TRMU: variants seen among roughly 807,000 people sequenced by gnomAD.
TRMU encodes the protein tRNA mitochondrial 2-thiouridylase.
Under a neutral mutation model 46.9 loss-of-function variants are expected in TRMU, and 49 were observed. The observed-to-expected ratio is 1.05, with a 90% CI of 0.83 to 1.33. The LOEUF is 1.33. Ranked by LOEUF, TRMU falls within the 40% of genes most tolerant of loss-of-function variation. The pLI is 0.00. For missense variants in TRMU, 572 were observed against 532.4 expected (o/e 1.07, Z -0.73); for synonymous variants, 241 against 200.9 (o/e 1.20, Z -1.69).
intron 3 of TRMU, 81 bp from the exon 4 acceptor site, chr22:46,346,341 C>G: frequency 1.9e-6 from 3 of 1,548,300 alleles, no homozygotes; most frequent in Non-Finnish European, 2.6e-6. Context: ...CTATACTCTT[C>G]TTTTGTGCCT....
intron 10 of TRMU, 132 bp downstream of exon 10, chr22:46,356,204 G>GGGCT: frequency 1.0e-6 from 1 of 958,540 alleles, no homozygotes; most frequent in Non-Finnish European, 1.6e-6. Flanking sequence ...GGTGAGGGCA[G>GGGCT]AGTGCCACCA....
At position 46,356,269 on chromosome 22, in the gene TRMU, G is replaced by A. The variant is rs536182083; in HGVS notation, c.1101+197G>A. On this transcript the variant is annotated intron_variant, in intron 10 of 10. Transcript: ENST00000645190. ...ACAACTGTGAGAGGATTTCCACTCT[G>A]GTGTCACCAACCAGCCAGTTCCTGC... 1.0e-4 allele frequency: 61 copies of A among 612,684 alleles called. No individual in the cohort carries two copies. In the South Asian group the frequency reaches 1.1e-3, roughly 11 times the overall value. 38.0% of individuals were successfully genotyped at this position (612,684 alleles called of 1,614,324 possible).
At chr22:46,340,004 T>C (rs1054435092) in intron 2 of TRMU, among the ~76,000 whole-genome samples, 2 of 151,820 alleles carry the variant, frequency 1.3e-5, no homozygotes, top group African/African-American at 4.8e-5. Flanking sequence ...GCAGAGAGTC[T>C]CAGGAAGTGC....
rs1325646279 is a variant in TRMU, at chr22:46,338,845, G to A, written c.248+901G>A. ...GCGTCTGACACAGCAGGCCATGTGC[G>A]CGGGACAGGCTGCCCCTGCCTGAGT... On this transcript the variant is annotated intron_variant, in intron 2 of 10. Coordinates refer to ENST00000645190, the MANE Select transcript of TRMU (RefSeq NM_018006.5). This position sits in a 1 kb window ranked among gnomAD's most constrained non-coding sequence, Gnocchi z 4.5. Among the ~76,000 whole-genome samples the A allele has an allele frequency of 1.3e-5, 2 of 152,204 alleles. No individual in the cohort carries two copies. The highest frequency in any genetic ancestry group is 2.9e-5 in the Non-Finnish European group (2 of 68,040).
rs569106730 is a variant in TRMU, at chr22:46,354,002, G to C, written c.873+135G>C. 19 of 795,492 alleles carry C rather than the reference G, an allele frequency of 2.4e-5. No homozygotes were observed. The African/African-American group carries it at 3.2e-4, about 14-fold the overall frequency. The allele number at this position is 795,492 out of a possible 1,614,324, so 49.3% of individuals were successfully genotyped here. ...TGTGACTAACTCTGTTCCTGTCCTT[G>C]GTCCCCTGCCTTTCCTGGGACTGGC... is the stretch of plus-strand genomic sequence containing the variant. On this transcript the variant is annotated intron_variant, in intron 8 of 10. Transcript: ENST00000645190.
Position 46,350,444 on chromosome 22 carries a change from A to G in TRMU, c.632A>G (p.His211Arg), listed in dbSNP as rs749578872. The change falls in exon 5 of 11, where the codon CAT (histidine) becomes CGT (arginine). Residue 211 changes from histidine (H) to arginine (R), a missense_variant. Coordinates refer to ENST00000645190, the MANE Select transcript of TRMU (RefSeq NM_018006.5). This position sits in a 1 kb window ranked among gnomAD's most constrained non-coding sequence, Gnocchi z 4.6. ...KKIAAENRLH[H>R]VLQKKESMGM... ...ATCGCTGCTGAGAATAGACTTCATC[A>G]TGTGCTTCAGAAGAAAGAGGTACGA... 1.2e-6 allele frequency: 2 copies of G among 1,613,708 alleles called. No homozygotes were observed. Among genetic ancestry groups the G allele is most frequent in the Non-Finnish European group, 1.7e-6 (2 of 1,180,012 alleles).
In TRMU at chr22:46,351,934, A is replaced by C; in HGVS notation, c.652-187A>C. ...GGCCGAGACAATGAGGCGTTCTCTA[A>C]GGCTCTGGCATCGTGTGCGCCGGCT... On this transcript the variant is annotated intron_variant, in intron 5 of 10. Coordinates refer to ENST00000645190, the MANE Select transcript of TRMU (RefSeq NM_018006.5). The surrounding 1 kb of genome is among the most constrained non-coding windows in gnomAD (Gnocchi z 6.4). 1.3e-6 allele frequency: 1 copy of C among 744,912 alleles called. No homozygotes were observed. Among genetic ancestry groups the C allele is most frequent in the Non-Finnish European group, 2.4e-6 (1 of 412,200 alleles). 46.1% of individuals were successfully genotyped at this position (744,912 alleles called of 1,614,324 possible).
In TRMU at chr22:46,357,172, G is replaced by C; in HGVS notation, c.*166G>C. The C allele has an allele frequency of 1.1e-6, 1 of 908,574 alleles. No individual in the cohort carries two copies. Among genetic ancestry groups the C allele is most frequent in the East Asian group, 2.6e-5 (1 of 37,996 alleles). The allele number at this position is 908,574 out of a possible 1,614,324, so 56.3% of individuals were successfully genotyped here. A position where few individuals can be genotyped will look rare whatever the true frequency, so the allele number is the denominator to read the frequency against. On this transcript the variant is annotated 3_prime_UTR_variant, in exon 11 of 11. Coordinates refer to ENST00000645190, the MANE Select transcript of TRMU (RefSeq NM_018006.5). ...AGGGGCCCGGCGAGCCCCAGGAAGAGCCTCAGCTCCAGGCTGGGGCTCTGG... is the reference window on the plus strand; with the variant it reads ...AGGGGCCCGGCGAGCCCCAGGAAGACCCTCAGCTCCAGGCTGGGGCTCTGG...
intron 10 of TRMU, 77 bp from the exon 11 acceptor site, chr22:46,356,765 T>G: frequency 6.4e-7 from 1 of 1,560,008 alleles, no homozygotes; most frequent in South Asian, 1.1e-5. Context: ...CCAGGCCCCA[T>G]AGGGGAGCAC....
chr22:46,336,178 C>T lies in TRMU; in HGVS notation c.82+332C>T. ...CACGGATCTGCGGCGTCCACATTCA[C>T]CTGTGAGACCGTGGACACTGGTGAG... is the stretch of plus-strand genomic sequence containing the variant. On this transcript the variant is annotated intron_variant, in intron 1 of 10. Coordinates refer to ENST00000645190, the MANE Select transcript of TRMU (RefSeq NM_018006.5). The surrounding 1 kb of genome is among the most constrained non-coding windows in gnomAD (Gnocchi z 4.1). 5 of 1,206,444 alleles carry T rather than the reference C, an allele frequency of 4.1e-6. No homozygotes were observed. The highest frequency in any genetic ancestry group is 5.2e-6 in the Non-Finnish European group (5 of 961,336). 74.7% of individuals were successfully genotyped at this position (1,206,444 alleles called of 1,614,324 possible).
chr22:46,336,962 GA>G lies in TRMU; in HGVS notation c.83-815del, dbSNP rs1213864292. On this transcript the variant is annotated intron_variant, in intron 1 of 10. Transcript: ENST00000645190. The surrounding 1 kb of genome is among the most constrained non-coding windows in gnomAD (Gnocchi z 4.1). ...GGCTGGTTCTGGCCAGATGGAGATGGAAGGAGAGGAGCCTGGAGCACGTTTA... is the reference window on the plus strand; with the variant it reads ...GGCTGGTTCTGGCCAGATGGAGATGGAGGAGAGGAGCCTGGAGCACGTTTA... Among the ~76,000 whole-genome samples the G allele has an allele frequency of 1.3e-5, 2 of 152,180 alleles. No individual in the cohort carries two copies. Among genetic ancestry groups the G allele is most frequent in the Non-Finnish European group, 2.9e-5 (2 of 68,036 alleles).
rs921014443 is a variant in TRMU, at chr22:46,336,703, G to T, written c.82+857G>T. 2 of 152,260 alleles carry T rather than the reference G, an allele frequency of 1.3e-5. No individual in the cohort carries two copies. Among genetic ancestry groups the T allele is most frequent in the African/African-American group, 4.8e-5 (2 of 41,450 alleles). 9.4% of individuals were successfully genotyped at this position (152,260 alleles called of 1,614,324 possible). On this transcript the variant is annotated intron_variant, in intron 1 of 10. Transcript: ENST00000645190. This position sits in a 1 kb window ranked among gnomAD's most constrained non-coding sequence, Gnocchi z 4.1. ...ACAGTAGTGGCTATTAGTTTATATT[G>T]TTAATAACCATAGCTATTATGGTAG...
In TRMU at chr22:46,351,904, C is replaced by T; in HGVS notation, c.652-217C>T. On this transcript the variant is annotated intron_variant, in intron 5 of 10. Coordinates refer to ENST00000645190, the MANE Select transcript of TRMU (RefSeq NM_018006.5). The surrounding 1 kb of genome is among the most constrained non-coding windows in gnomAD (Gnocchi z 6.4). ...AGGGTCTCCCGCGCAGGGTCAGACC[C>T]CGCGGGCCGAGACAATGAGGCGTTC... 1.5e-6 allele frequency: 1 copy of T among 679,564 alleles called. No homozygotes were observed. The highest frequency in any genetic ancestry group is 1.6e-5 in the South Asian group (1 of 62,154). 42.1% of individuals were successfully genotyped at this position (679,564 alleles called of 1,614,324 possible). A position where few individuals can be genotyped will look rare whatever the true frequency, so the allele number is the denominator to read the frequency against.
intron 3 of TRMU, among the ~76,000 whole-genome samples, chr22:46,345,082 T>A (rs1186848730): frequency 6.6e-6 from 1 of 152,160 alleles, no homozygotes; most frequent in African/African-American, 2.4e-5. Flanking sequence ...TAATTTTTTC[T>A]TTTTTTGAGA....
chr22:46,337,308 A>G (rs1267719609), intron 1 of TRMU, among the ~76,000 whole-genome samples: 1 of 152,236 alleles, frequency 6.6e-6, no homozygotes, highest in Non-Finnish European at 1.5e-5. Context: ...TCGAAAAGGT[A>G]GAAAATAGGT....
chr22:46,356,603 C>T, intron 10 of TRMU: 1 of 570,206 alleles, frequency 1.8e-6, no homozygotes. Context: ...GGAGAGGCCC[C>T]TGTGACTGTC....
chr22:46,343,420 C>T (rs1251584811), intron 3 of TRMU, 52 bp downstream of exon 3: 40 of 1,377,576 alleles, frequency 2.9e-5, no homozygotes, highest in Non-Finnish European at 3.9e-5. Context: ...GGGTCTCGCT[C>T]TGTCACCCAG....
In TRMU at chr22:46,350,717, C is replaced by T. The variant is rs1451002025; in HGVS notation, c.651+254C>T. On this transcript the variant is annotated intron_variant, in intron 5 of 10. Coordinates refer to ENST00000645190, the MANE Select transcript of TRMU (RefSeq NM_018006.5). The surrounding 1 kb of genome is among the most constrained non-coding windows in gnomAD (Gnocchi z 4.6). The stretch of plus-strand genomic sequence containing the variant: ...CCCCTATGTGGTAGGCAGCTTTCCC[C>T]ACAGCCTTAGCAGCTGGTGGGGTGC... Among the ~76,000 whole-genome samples, 1 of 152,232 alleles carries T rather than the reference C, an allele frequency of 6.6e-6. No homozygotes were observed. The highest frequency in any genetic ancestry group is 2.4e-5 in the African/African-American group (1 of 41,468).
chr22:46,337,772 C>A lies in TRMU; in HGVS notation c.83-7C>A. 6.2e-7 allele frequency: 1 copy of A among 1,614,212 alleles called. No homozygotes were observed. The highest frequency in any genetic ancestry group is 8.5e-7 in the Non-Finnish European group (1 of 1,180,036). On this transcript the variant is annotated splice_polypyrimidine_tract_variant and splice_region_variant and intron_variant, in intron 1 of 10. Coordinates refer to ENST00000645190, the MANE Select transcript of TRMU (RefSeq NM_018006.5). ...GTATTCTCTTTAATTGACCTTCCCG[C>A]CCGCAGGTTACCAGGTGACAGGGGT...
Sources: allele counts gnomAD v4.1 joint callset (sites outside exome capture counted in the v4.1 genomes callset), GRCh38; gene constraint gnomAD v4.1.1; non-coding constraint Gnocchi (gnomAD v3.1); transcripts MANE v1.5; gene names NCBI Gene and HGNC (gene_info 2026-07-23, HGNC 2026-07-21).